Variants in FNIP2 observed in about 807,000 individuals in gnomAD.
FNIP2 encodes the protein folliculin-interacting protein 2.
FNIP2 carries 32 observed loss-of-function variants against 108.7 expected under a neutral mutation model. The observed-to-expected ratio is 0.29, with a 90% CI of 0.22 to 0.40. FNIP2 has a LOEUF of 0.40. Among genes scored for constraint, FNIP2 ranks in the 10% least tolerant of loss-of-function variants. FNIP2 has a pLI of 1.00. For synonymous variants in FNIP2, 480 were observed against 496.7 expected (o/e 0.97, Z 0.45); for missense variants, 1,202 against 1,381.6 (o/e 0.87, Z 2.06).
chr4:158,852,087 A>G (rs1353802114), intron 8 of FNIP2, among the ~76,000 whole-genome samples: 3 of 152,220 alleles, frequency 2.0e-5, no homozygotes, highest in Admixed American at 2.0e-4. Context: ...TAGTAAATTG[A>G]CTAGTACTCA....
At chr4:158,853,016 G>GA (rs984990709) in intron 8 of FNIP2, among the ~76,000 whole-genome samples, 3 of 151,834 alleles carry the variant, frequency 2.0e-5, no homozygotes, top group Non-Finnish European at 2.9e-5. Context: ...GGACTAAAAA[G>GA]AAAAAAAGTT....
rs1729707158 is a variant in FNIP2, at chr4:158,904,991, A to G, written c.*447A>G. 1 of 155,536 alleles carries G rather than the reference A, an allele frequency of 6.4e-6. No homozygotes were observed. Among genetic ancestry groups the G allele is most frequent in the Non-Finnish European group, 1.4e-5 (1 of 70,002 alleles). The allele number at this position is 155,536 out of a possible 1,614,324, so 9.6% of individuals were successfully genotyped here. A position where few individuals can be genotyped will look rare whatever the true frequency, so the allele number is the denominator to read the frequency against. On this transcript the variant is annotated 3_prime_UTR_variant, in exon 17 of 17. Transcript: ENST00000264433. ...GGAGAAAACATATTTTGCTATTCTG[A>G]GACAACAATCAGAATACAGACTTTG... is the stretch of plus-strand genomic sequence containing the variant.
intron 1 of FNIP2, among the ~76,000 whole-genome samples, chr4:158,789,325 G>GTGTGTA (rs1553953742): frequency 6.6e-5 from 8 of 120,918 alleles, no homozygotes; most frequent in Admixed American, 1.5e-4. Context: ...GTGTGTATGT[G>GTGTGTA]TGTGTGTGTG....
At chr4:158,898,280 C>T (rs1782872538) in intron 16 of FNIP2, among the ~76,000 whole-genome samples, 1 of 152,162 alleles carries the variant, frequency 6.6e-6, no homozygotes, top group African/African-American at 2.4e-5. Context: ...ATGATGCCTC[C>T]AGCTTTGTTC....
intron 1 of FNIP2, among the ~76,000 whole-genome samples, chr4:158,816,147 CTATT>C (rs1777555496): frequency 6.6e-6 from 1 of 152,126 alleles, no homozygotes; most frequent in Admixed American, 6.5e-5. Flanking sequence ...TGACAATTGT[CTATT>C]TATTTTGGTT....
chr4:158,858,910 C>T (rs1780135212), intron 8 of FNIP2, 147 bp from the exon 9 acceptor site: 1 of 658,258 alleles, frequency 1.5e-6, no homozygotes, highest in East Asian at 2.7e-5. Flanking sequence ...ATCTTCATGC[C>T]AGGGAATTAT....
intron 1 of FNIP2, among the ~76,000 whole-genome samples, chr4:158,789,204 CA>C (rs1479670017): frequency 6.6e-6 from 1 of 152,148 alleles, no homozygotes; most frequent in African/African-American, 2.4e-5. Context: ...ATCAGATTTT[CA>C]AGGGGCAGTA....
intron 16 of FNIP2, among the ~76,000 whole-genome samples, chr4:158,899,190 G>A (rs1214876193): frequency 6.6e-6 from 1 of 152,140 alleles, no homozygotes; most frequent in Non-Finnish European, 1.5e-5. Context: ...GCATCCCAGG[G>A]ATGAAGCCAG....
At chr4:158,894,681 C>G (rs969751021) in intron 15 of FNIP2, among the ~76,000 whole-genome samples, 2 of 152,060 alleles carry the variant, frequency 1.3e-5, no homozygotes, top group African/African-American at 4.8e-5. Context: ...CCATAAGGAA[C>G]TGAAAGCTAA....
chr4:158,834,817 A>G (rs1228455591), intron 6 of FNIP2: 1 of 152,458 alleles, frequency 6.6e-6, no homozygotes, highest in Non-Finnish European at 1.5e-5. Flanking sequence ...GAGTTTTTCT[A>G]AGTAACTCTA....
At chr4:158,811,132 C>T (rs927351703) in intron 1 of FNIP2, among the ~76,000 whole-genome samples, 1 of 152,138 alleles carries the variant, frequency 6.6e-6, no homozygotes, top group South Asian at 2.1e-4. Flanking sequence ...ACCCAAGGTT[C>T]CTGGGAATAT....
intron 7 of FNIP2, among the ~76,000 whole-genome samples, chr4:158,846,398 G>T (rs961788972): frequency 6.6e-6 from 1 of 152,046 alleles, no homozygotes; most frequent in African/African-American, 2.4e-5. Context: ...AAATACTGAG[G>T]TGTGGTACTT....
intron 11 of FNIP2, 33 bp from the exon 12 acceptor site, chr4:158,861,574 T>C (rs746838546): frequency 2.1e-5 from 34 of 1,613,776 alleles, no homozygotes; most frequent in Non-Finnish European, 2.7e-5. Flanking sequence ...CTGTATTGAC[T>C]AAGTTGGTTG....
chr4:158,793,293 T>C (rs1446704675), intron 1 of FNIP2, among the ~76,000 whole-genome samples: 3 of 152,150 alleles, frequency 2.0e-5, no homozygotes, highest in Non-Finnish European at 4.4e-5. Context: ...ATCCTAAATG[T>C]CCAGATGTGA....
chr4:158,868,820 G>A lies in FNIP2; in HGVS notation c.2184G>A (p.Glu728=). 1 of 1,613,734 alleles carries A rather than the reference G, an allele frequency of 6.2e-7. No individual in the cohort carries two copies. Among genetic ancestry groups the A allele is most frequent in the Non-Finnish European group, 8.5e-7 (1 of 1,179,890 alleles). The change falls in exon 13 of 17, where the codon GAG becomes GAA. Residue 728 remains glutamate (E), a synonymous_variant. Transcript: ENST00000264433. This position sits in a 1 kb window ranked among gnomAD's most constrained non-coding sequence, Gnocchi z 4.6. ...TFQIGSFASP[E]SDFESRMKKM... The stretch of plus-strand genomic sequence containing the variant: ...AGATTGGAAGCTTTGCATCTCCAGA[G>A]TCTGACTTTGAAAGCCGCATGAAAA...
chr4:158,831,300 G>A (rs896754851), intron 3 of FNIP2, among the ~76,000 whole-genome samples: 2 of 152,172 alleles, frequency 1.3e-5, no homozygotes, highest in Non-Finnish European at 2.9e-5. Context: ...TCTTTGGTTG[G>A]TAAAGGCATG....
chr4:158,834,327 T>TCTCC (rs1778669372), intron 6 of FNIP2: 1 of 150,216 alleles, frequency 6.7e-6, no homozygotes, highest in African/African-American at 2.5e-5. Context: ...TCTCTCTCTC[T>TCTCC]CTCCCTCTCT....
At chr4:158,776,348 A>C (rs79349810) in intron 1 of FNIP2, among the ~76,000 whole-genome samples, 1 of 152,370 alleles carries the variant, frequency 6.6e-6, no homozygotes, top group East Asian at 1.9e-4. Context: ...GAGATGAAAC[A>C]GGTGTTGATT....
chr4:158,791,876 G>A (rs1275888412), intron 1 of FNIP2, among the ~76,000 whole-genome samples: 2 of 152,178 alleles, frequency 1.3e-5, no homozygotes, highest in Admixed American at 6.5e-5. Flanking sequence ...AAACATGGTG[G>A]TAGGGGCAGC....
Sources: allele counts gnomAD v4.1 joint callset (sites outside exome capture counted in the v4.1 genomes callset), GRCh38; gene constraint gnomAD v4.1.1; non-coding constraint Gnocchi (gnomAD v3.1); transcripts MANE v1.5; gene names NCBI Gene and HGNC (gene_info 2026-07-23, HGNC 2026-07-21).